Variants in NRXN1 observed in about 807,000 individuals in gnomAD.
The protein encoded by NRXN1 is neurexin-1.
Under a neutral mutation model 150.9 loss-of-function variants are expected in NRXN1, and 39 were observed. That is an observed-to-expected ratio of 0.26 (90% CI 0.20 to 0.34). The LOEUF (loss-of-function observed/expected upper bound fraction) is 0.34, where lower values mean the gene tolerates loss of function less well. Among genes scored for constraint, NRXN1 ranks in the 10% least tolerant of loss-of-function variants. The pLI is 1.00. For synonymous variants in NRXN1, 924 were observed against 757.0 expected (o/e 1.22, Z -3.62); for missense variants, 1,815 against 1,949.9 (o/e 0.93, Z 1.30).
chr2:50,732,790 A>G (rs1008376931), intron 5 of NRXN1, among the ~76,000 whole-genome samples: 3 of 152,130 alleles, frequency 2.0e-5, no homozygotes, highest in Non-Finnish European at 4.4e-5. Flanking sequence ...ATCTGCTTTT[A>G]TATCTATAGC....
intron 17 of NRXN1, among the ~76,000 whole-genome samples, chr2:50,452,597 CT>C (rs1479000862): frequency 6.6e-6 from 1 of 152,016 alleles, no homozygotes; most frequent in Non-Finnish European, 1.5e-5. Context: ...AGATGGGAAA[CT>C]GTGTTTGGAA....
intron 17 of NRXN1, among the ~76,000 whole-genome samples, chr2:50,238,053 C>T (rs116455885): frequency 0.02 from 3,031 of 152,134 alleles, 95 homozygotes; most frequent in African/African-American, 0.07. Context: ...GCCTCCTCAG[C>T]CACACAGAAC....
chr2:50,896,724 T>G (rs553966120), intron 5 of NRXN1, among the ~76,000 whole-genome samples: 2 of 151,970 alleles, frequency 1.3e-5, no homozygotes, highest in Admixed American at 1.3e-4. Flanking sequence ...GGCATGCCCA[T>G]AGTCCCAGCT....
Position 50,453,626 on chromosome 2 carries a change from T to C in NRXN1, c.3364+11816A>G, listed in dbSNP as rs566475244. Among the ~76,000 whole-genome samples, 34 of 152,254 alleles carry C rather than the reference T, an allele frequency of 2.2e-4. 2 individuals carry two copies. In the South Asian group the frequency reaches 6.8e-3, roughly 31 times the overall value. ...TTCTTGGTACGGTTGCATATATAAA[T>C]GCTATCTTTTGCATAATTAATACGG... On this transcript the variant is annotated intron_variant, in intron 17 of 22. Coordinates refer to ENST00000401669, the MANE Select transcript of NRXN1 (RefSeq NM_001330078.2).
chr2:50,099,083 A>G (rs560083504), intron 18 of NRXN1, among the ~76,000 whole-genome samples: 3 of 152,120 alleles, frequency 2.0e-5, no homozygotes, highest in Non-Finnish European at 2.9e-5. Flanking sequence ...AGCTCCTTCA[A>G]TGAGACTATA....
In NRXN1 at chr2:50,895,083, G is replaced by A. The variant is rs889683584; in HGVS notation, c.832+26786C>T. ...GTTGGGTTCCCACTACAAATGAATT[G>A]CCACAAGAATAAATGACAAATTATT... On this transcript the variant is annotated intron_variant, in intron 5 of 22. Transcript: ENST00000401669. Among the ~76,000 whole-genome samples, 51 of 152,012 alleles carry A rather than the reference G, an allele frequency of 3.4e-4. 1 individual carries two copies. The highest frequency in any genetic ancestry group is 1.2e-3 in the Admixed American group (18 of 15,262).
intron 5 of NRXN1, among the ~76,000 whole-genome samples, chr2:50,698,095 C>T (rs1473095836): frequency 1.3e-5 from 2 of 152,238 alleles, no homozygotes; most frequent in African/African-American, 4.8e-5. Context: ...TCCTCCTTCT[C>T]TCATGAGAAA....
chr2:50,850,720 C>G (rs1674394538), intron 5 of NRXN1, among the ~76,000 whole-genome samples: 1 of 149,272 alleles, frequency 6.7e-6, no homozygotes, highest in Admixed American at 6.8e-5. Context: ...TTTAAAAAAT[C>G]AATATCAAAG....
chr2:50,038,119 C>G (rs765679385), intron 21 of NRXN1, among the ~76,000 whole-genome samples: 16 of 152,072 alleles, frequency 1.1e-4, no homozygotes, highest in Non-Finnish European at 1.6e-4. Context: ...ACAGTGAGAG[C>G]GAATCTGTAG....
intron 12 of NRXN1, among the ~76,000 whole-genome samples, chr2:50,522,382 A>G (rs1030049): frequency 0.27 from 41,071 of 152,134 alleles, 6,524 homozygotes; most frequent in South Asian, 0.37. Context: ...ACACTCAAGA[A>G]TGTTGCATTA....
chr2:50,170,213 T>A (rs963930415), intron 18 of NRXN1, among the ~76,000 whole-genome samples: 1 of 151,860 alleles, frequency 6.6e-6, no homozygotes, highest in African/African-American at 2.4e-5. Flanking sequence ...AAATTTGAAG[T>A]TTGAAATGCT....
intron 21 of NRXN1, among the ~76,000 whole-genome samples, chr2:49,967,037 A>C (rs935025720): frequency 1.3e-5 from 2 of 152,140 alleles, no homozygotes; most frequent in African/African-American, 2.4e-5. Flanking sequence ...CAATTGGTGG[A>C]TTCTCTTAGG....
intron 21 of NRXN1, among the ~76,000 whole-genome samples, chr2:50,045,370 T>C (rs1424561886): frequency 6.6e-6 from 1 of 152,006 alleles, no homozygotes; most frequent in East Asian, 1.9e-4. Context: ...TGAGACAGAG[T>C]GTCACTCTGT....
intron 5 of NRXN1, among the ~76,000 whole-genome samples, chr2:50,862,610 C>A (rs1367822627): frequency 6.6e-6 from 1 of 152,100 alleles, no homozygotes; most frequent in Non-Finnish European, 1.5e-5. Flanking sequence ...AACTTACAGT[C>A]TTTGGCCCTC....
intron 5 of NRXN1, among the ~76,000 whole-genome samples, chr2:50,802,776 G>A (rs1161222960): frequency 6.6e-6 from 1 of 152,072 alleles, no homozygotes; most frequent in Non-Finnish European, 1.5e-5. Context: ...TTGGGACAAA[G>A]AGATAGACAC....
chr2:50,180,828 G>A lies in NRXN1; in HGVS notation c.3546+55961C>T, dbSNP rs1477126653. On this transcript the variant is annotated intron_variant, in intron 18 of 22. Transcript: ENST00000401669. ...GGACTAGAGACATCTCCTTTTAAAAGTCTTGCATGCACTGATAATTGTTGA... is the reference window on the plus strand; with the variant it reads ...GGACTAGAGACATCTCCTTTTAAAAATCTTGCATGCACTGATAATTGTTGA... Among the ~76,000 whole-genome samples, 3 of 152,126 alleles carry A rather than the reference G, an allele frequency of 2.0e-5. 1 individual carries two copies. The highest frequency in any genetic ancestry group is 4.4e-5 in the Non-Finnish European group (3 of 68,008).
At chr2:50,661,047 C>G (rs1269344758) in intron 5 of NRXN1, among the ~76,000 whole-genome samples, 1 of 151,622 alleles carries the variant, frequency 6.6e-6, no homozygotes, top group Non-Finnish European at 1.5e-5. Flanking sequence ...TGACTAGAAT[C>G]TTACCTCAAG....
chr2:50,356,367 A>C (rs1306298488), intron 17 of NRXN1, among the ~76,000 whole-genome samples: 1 of 152,220 alleles, frequency 6.6e-6, no homozygotes, highest in East Asian at 1.9e-4. Context: ...TTAAAGTAAG[A>C]AGTATATGCT....
chr2:49,944,964 G>C (rs1386785394), intron 21 of NRXN1: 1 of 152,178 alleles, frequency 6.6e-6, no homozygotes, highest in Admixed American at 6.5e-5. Flanking sequence ...TTTTAAGAAA[G>C]TTGTGGCATT....
Sources: gnomAD v4.1 joint callset for allele counts (sites outside exome capture counted in the v4.1 genomes callset) on GRCh38, gnomAD v4.1.1 for gene constraint, MANE v1.5 for transcripts, NCBI Gene and HGNC (gene_info 2026-07-23, HGNC 2026-07-21) for gene names.